Variants in UNC79 observed in about 807,000 individuals in gnomAD.
UNC79 encodes the protein protein unc-79 homolog.
A neutral mutation model predicts 283.1 loss-of-function variants in UNC79; 37 were observed. The ratio of observed to expected loss-of-function variants is 0.13; its 90% CI spans 0.10 to 0.17. The LOEUF (loss-of-function observed/expected upper bound fraction) is 0.17, where lower values mean the gene tolerates loss of function less well. Ranked by LOEUF, UNC79 falls within the 10% of genes least tolerant of loss-of-function variation. The pLI, the probability that UNC79 is intolerant of heterozygous loss-of-function variation, is 1.00. For missense variants in UNC79, 2,272 were observed against 3,211.1 expected (o/e 0.71, Z 7.07); for synonymous variants, 1,107 against 1,200.2 (o/e 0.92, Z 1.61).
rs920626999 is a variant in UNC79, at chr14:93,430,870, C to T, written c.-160C>T. The T allele has an allele frequency of 2.5e-5, 13 of 512,196 alleles. No individual in the cohort carries two copies. Among genetic ancestry groups the T allele is most frequent in the African/African-American group, 1.2e-4 (5 of 43,000 alleles). The allele number at this position is 512,196 out of a possible 1,614,324, so 31.7% of individuals were successfully genotyped here. A position where few individuals can be genotyped will look rare whatever the true frequency, so the allele number is the denominator to read the frequency against. ...GGACCGAATTCTGCAATTTGATGTG[C>T]GTTTTGTCCGAATGGTAGCGACACG... On this transcript the variant is annotated 5_prime_UTR_variant, in exon 1 of 49. Coordinates refer to ENST00000555664, the Ensembl canonical transcript of UNC79. This position sits in a 1 kb window ranked among gnomAD's most constrained non-coding sequence, Gnocchi z 4.6.
rs542502862 is a variant in UNC79, at chr14:93,689,434, A to G, written c.7085+594A>G. 4 of 151,834 alleles carry G rather than the reference A, an allele frequency of 2.6e-5. No individual in the cohort carries two copies. In the East Asian group the frequency reaches 5.9e-4, roughly 22 times the overall value. 9.4% of individuals were successfully genotyped at this position (151,834 alleles called of 1,614,324 possible). A position where few individuals can be genotyped will look rare whatever the true frequency, so the allele number is the denominator to read the frequency against. ...GAGCAGGAAAATGGGCAGCTGTGTTATATCTCCTCATCTCTTTCCTCCCCT... is the reference window on the plus strand; with the variant it reads ...GAGCAGGAAAATGGGCAGCTGTGTTGTATCTCCTCATCTCTTTCCTCCCCT... On this transcript the variant is annotated intron_variant, in intron 44 of 48. Coordinates refer to ENST00000555664, the Ensembl canonical transcript of UNC79.
chr14:93,597,564 G>T, intron 24 of UNC79, 24 bp downstream of exon 24: 1 of 1,600,118 alleles, frequency 6.2e-7, no homozygotes, highest in Non-Finnish European at 8.5e-7. Context: ...TGTGTTATCT[G>T]CTCCGAAGGT....
chr14:93,669,514 A>G (rs1317568854), intron 40 of UNC79, among the ~76,000 whole-genome samples: 4 of 152,078 alleles, frequency 2.6e-5, no homozygotes, highest in Admixed American at 6.6e-5. Flanking sequence ...TGACCCACAC[A>G]TTTTTGGCTT....
rs80082643 is a variant in UNC79, at chr14:93,618,184, T to C, written c.4225-8T>C. 927 of 1,603,064 alleles carry C rather than the reference T, an allele frequency of 5.8e-4. 3 individuals carry two copies. The African/African-American group carries it at 0.012, about 20-fold the overall frequency. On this transcript the variant is annotated splice_polypyrimidine_tract_variant and splice_region_variant and intron_variant, in intron 28 of 48. Transcript: ENST00000555664. ...ATTTATCTTTTTCTCTCTCGTTTCA[T>C]TGGGCAGTATCCATACCGAGACTGT... is the stretch of plus-strand genomic sequence containing the variant.
intron 7 of UNC79, among the ~76,000 whole-genome samples, chr14:93,520,734 T>C (rs1269076951): frequency 6.6e-6 from 1 of 152,018 alleles, no homozygotes; most frequent in African/African-American, 2.4e-5. Context: ...TCAAGTTGTA[T>C]TTCTGATTTT....
rs183809094 is a variant in UNC79 at position 93,605,062 on chromosome 14, G to T, written c.3754+1644G>T. ...TAACTGGACCAGGGTGATATACCTA[G>T]GATTTGCAAGCTCAGAAGGGTCTTA... is the stretch of plus-strand genomic sequence containing the variant. On this transcript the variant is annotated intron_variant, in intron 26 of 48. Coordinates refer to ENST00000555664, the Ensembl canonical transcript of UNC79. The T allele has an allele frequency of 1.1e-4, 140 of 1,271,072 alleles. 1 individual carries two copies. Among genetic ancestry groups the T allele is most frequent in the Non-Finnish European group, 8.7e-5 (83 of 955,274 alleles). 78.7% of individuals were successfully genotyped at this position (1,271,072 alleles called of 1,614,324 possible). A position where few individuals can be genotyped will look rare whatever the true frequency, so the allele number is the denominator to read the frequency against.
chr14:93,511,037 A>T (rs915368077), intron 7 of UNC79, among the ~76,000 whole-genome samples: 10 of 151,882 alleles, frequency 6.6e-5, no homozygotes, highest in African/African-American at 2.4e-4. Context: ...GCCTCAGGAA[A>T]CTTACAATCA....
intron 22 of UNC79, among the ~76,000 whole-genome samples, chr14:93,592,357 G>A (rs1393596230): frequency 6.6e-6 from 1 of 151,820 alleles, no homozygotes; most frequent in Non-Finnish European, 1.5e-5. Flanking sequence ...TGTATTTTTA[G>A]TAGAGACGGA....
chr14:93,358,843 C>T (rs1203352408), intron 1 of UNC79, among the ~76,000 whole-genome samples: 1 of 152,134 alleles, frequency 6.6e-6, no homozygotes, highest in East Asian at 1.9e-4. Flanking sequence ...GTTGATTCTC[C>T]TTAGGAGCCA....
chr14:93,661,909 C>T (rs1220185909), intron 39 of UNC79, among the ~76,000 whole-genome samples: 1 of 152,088 alleles, frequency 6.6e-6, no homozygotes, highest in Non-Finnish European at 1.5e-5. Context: ...GTGTCATTAC[C>T]TATATTATAA....
chr14:93,648,549 C>T (rs1324754072), intron 35 of UNC79, among the ~76,000 whole-genome samples: 2 of 151,866 alleles, frequency 1.3e-5, no homozygotes, highest in East Asian at 3.9e-4. Flanking sequence ...AGAATGACTC[C>T]TAGGTTTTGG....
chr14:93,548,122 A>AC (rs1414532834), intron 14 of UNC79, among the ~76,000 whole-genome samples: 3 of 152,204 alleles, frequency 2.0e-5, no homozygotes, highest in African/African-American at 7.2e-5. Flanking sequence ...AATACCATAG[A>AC]CTGGGTAGCT....
intron 1 of UNC79, among the ~76,000 whole-genome samples, chr14:93,438,521 C>T (rs1256900099): frequency 2.6e-5 from 4 of 152,212 alleles, no homozygotes; most frequent in African/African-American, 9.6e-5. Flanking sequence ...CCAACAATTG[C>T]TCCTGTGGTC....
At chr14:93,443,998 T>G (rs1328862772) in intron 1 of UNC79, among the ~76,000 whole-genome samples, 1 of 152,228 alleles carries the variant, frequency 6.6e-6, no homozygotes, top group Non-Finnish European at 1.5e-5. Context: ...TTAATGAATG[T>G]TTACCGTTAT....
At chr14:93,353,151 T>G (rs1268813187) in intron 1 of UNC79, among the ~76,000 whole-genome samples, 1 of 152,238 alleles carries the variant, frequency 6.6e-6, no homozygotes, top group African/African-American at 2.4e-5. Flanking sequence ...CCCTGCTATT[T>G]TTCCTTTTAC....
At position 93,345,197 on chromosome 14, in the gene UNC79, C is replaced by T. The variant is rs117855680; in HGVS notation, c.-351+11674C>T. 1.5e-3 allele frequency among the ~76,000 whole-genome samples: 234 copies of T among 152,248 alleles called. 1 individual carries two copies. The highest frequency in any genetic ancestry group is 7.7e-3 in the South Asian group (37 of 4,834). ...GGGCCCTCACTGGACATCAAATCTA[C>T]CAGCACATTGATTTTGAATTTCTAG... On this transcript the variant is annotated intron_variant, in intron 1 of 49. Transcript: ENST00000256339.
intron 45 of UNC79, 66 bp from the exon 49 acceptor site, chr14:93,691,680 GGGA>G: frequency 1.9e-6 from 3 of 1,564,174 alleles, no homozygotes; most frequent in Non-Finnish European, 2.6e-6. Context: ...AAAGCCATGC[GGGA>G]GGACTCCGTG....
chr14:93,465,696 G>GTC (rs1566955835), intron 1 of UNC79, among the ~76,000 whole-genome samples: 1 of 152,236 alleles, frequency 6.6e-6, no homozygotes, highest in Non-Finnish European at 1.5e-5. Context: ...AAGCCATTGA[G>GTC]TTGAGGGATT....
At chr14:93,384,474 CT>C (rs1325788242) in intron 1 of UNC79, among the ~76,000 whole-genome samples, 10 of 152,154 alleles carry the variant, frequency 6.6e-5, no homozygotes, top group South Asian at 2.1e-4. Context: ...CTTTTCAATA[CT>C]CCTGTTTACC....
Sources: gnomAD v4.1 joint callset for allele counts (sites outside exome capture counted in the v4.1 genomes callset) on GRCh38, gnomAD v4.1.1 for gene constraint, Gnocchi (gnomAD v3.1) non-coding constraint, MANE v1.5 for transcripts, NCBI Gene and HGNC (gene_info 2026-07-23, HGNC 2026-07-21) for gene names.